Variants in PCM1 observed in about 807,000 individuals in gnomAD.
The protein encoded by PCM1 is pericentriolar material 1, also known as pericentriolar material 1 protein.
PCM1 carries 157 observed loss-of-function variants against 241.9 expected under a neutral mutation model. The observed-to-expected ratio is 0.65, with a 90% CI of 0.57 to 0.74. The LOEUF (loss-of-function observed/expected upper bound fraction) is 0.74. PCM1 is among the 30% of genes least tolerant of loss of function. The pLI is 0.00. For synonymous variants in PCM1, 1,085 were observed against 784.9 expected (o/e 1.38, Z -6.39); for missense variants, 3,478 against 2,360.1 (o/e 1.47, Z -9.81).
At chr8:17,931,697 C>G (rs1012114168) in intron 2 of PCM1, among the ~76,000 whole-genome samples, 2 of 152,076 alleles carry the variant, frequency 1.3e-5, no homozygotes, top group African/African-American at 4.8e-5. Flanking sequence ...CGTTTCAAAA[C>G]AATTGCTTTT....
At chr8:17,963,899 C>A (rs564212450) in intron 17 of PCM1, among the ~76,000 whole-genome samples, 1 of 152,130 alleles carries the variant, frequency 6.6e-6, no homozygotes, top group Non-Finnish European at 1.5e-5. Flanking sequence ...TTGCACCAAG[C>A]CCTACTCTCT....
Position 18,025,613 on chromosome 8 carries a change from C to G in PCM1, c.6004C>G (p.Gln2002Glu). Reference protein sequence around the residue: ...NHLSGEICEMQTEELAGNSET... With the variant: ...NHLSGEICEMETEELAGNSET... ...TTTATCTGGTGAAATATGTGAAATG[C>G]AGACCGAAGAATTAGCTGGAAATTC... Residue 2002 changes from glutamine (Q) to glutamate (E), a missense_variant, in exon 38 of 39, where the codon CAG becomes GAG. By Grantham distance (29) the Gln-to-Glu change is conservative. Coordinates refer to ENST00000325083, the MANE Select transcript of PCM1 (RefSeq NM_006197.4). The G allele has an allele frequency of 6.3e-7, 1 of 1,579,170 alleles. No homozygotes were observed. The highest frequency in any genetic ancestry group is 8.6e-7 in the Non-Finnish European group (1 of 1,161,460).
chr8:18,006,011 T>C, intron 29 of PCM1: 1 of 375,444 alleles, frequency 2.7e-6, no homozygotes, highest in Non-Finnish European at 4.8e-6. Context: ...TGCTGAAAAG[T>C]ACTGGATCAG....
In PCM1 at chr8:17,957,786, CT is replaced by C. The variant is rs1563918289; in HGVS notation, c.2040+13del. On this transcript the variant is annotated intron_variant, in intron 13 of 38. Transcript: ENST00000325083. Reference sequence around the variant, plus strand: ...GTTGCTATGGTACAGGTAAATATTGCTTGGTCTTTTAAAAACCTATTTGTCA... The same window carrying C: ...GTTGCTATGGTACAGGTAAATATTGCTGGTCTTTTAAAAACCTATTTGTCA... 1 of 1,564,986 alleles carries C rather than the reference CT, an allele frequency of 6.4e-7. No individual in the cohort carries two copies. Among genetic ancestry groups the C allele is most frequent in the Non-Finnish European group, 8.8e-7 (1 of 1,139,050 alleles).
At chr8:18,001,999 T>C (rs1305777736) in intron 29 of PCM1, among the ~76,000 whole-genome samples, 1 of 8,542 alleles carries the variant, frequency 1.2e-4, no homozygotes, top group Non-Finnish European at 2.4e-4. Flanking sequence ...ACCTTTCTTT[T>C]TTTTTTTTTT....
intron 13 of PCM1, among the ~76,000 whole-genome samples, chr8:17,959,358 C>G (rs1278905961): frequency 6.6e-6 from 1 of 151,624 alleles, no homozygotes; most frequent in Admixed American, 6.6e-5. Context: ...TTATTTGTAG[C>G]TGCAGTACAG....
intron 29 of PCM1, among the ~76,000 whole-genome samples, chr8:18,005,356 T>TC (rs2090956237): frequency 1.0e-5 from 1 of 95,988 alleles, no homozygotes; most frequent in Non-Finnish European, 2.7e-5. Flanking sequence ...TTGTTGTTGT[T>TC]GTTTTTTTTT....
intron 36 of PCM1, among the ~76,000 whole-genome samples, chr8:18,017,377 T>C (rs1440389539): frequency 6.6e-6 from 1 of 152,184 alleles, no homozygotes; most frequent in East Asian, 1.9e-4. Flanking sequence ...AAACACAAGA[T>C]TGGATGGCAA....
At chr8:17,979,788 A>G (rs452565) in intron 23 of PCM1, among the ~76,000 whole-genome samples, 72 of 8,428 alleles carry the variant, frequency 8.5e-3, no homozygotes, top group African/African-American at 0.018. Flanking sequence ...TTTTAAAATT[A>G]AAAACAAAAA....
chr8:18,016,808 G>C (rs2093261580), intron 36 of PCM1, among the ~76,000 whole-genome samples: 1 of 152,210 alleles, frequency 6.6e-6, no homozygotes, highest in African/African-American at 2.4e-5. Context: ...CGATGTGACA[G>C]AAAGGAAGTT....
At position 17,935,598 on chromosome 8, in the gene PCM1, T is replaced by C; in HGVS notation, c.-13T>C. 8.0e-7 allele frequency: 1 copy of C among 1,242,760 alleles called. No homozygotes were observed. The highest frequency in any genetic ancestry group is 1.2e-5 in the South Asian group (1 of 82,190). The allele number at this position is 1,242,760 out of a possible 1,614,324, so 77.0% of individuals were successfully genotyped here. On this transcript the variant is annotated 5_prime_UTR_variant, in exon 3 of 39. Transcript: ENST00000325083. ...TTAACTTGTTTCGCAGAGAGTTAAT[T>C]GTTAAATCCAGTATGGCCACAGGAG... is the stretch of plus-strand genomic sequence containing the variant.
At chr8:18,009,525 T>C in intron 30 of PCM1, 22 bp from the exon 31 acceptor site, 1 of 1,499,852 alleles carries the variant, frequency 6.7e-7, no homozygotes, top group Non-Finnish European at 9.1e-7. Context: ...CTTTAAAAAT[T>C]ATTTGGTTTA....
intron 26 of PCM1, 126 bp downstream of exon 26, chr8:17,986,213 G>T: frequency 1.6e-6 from 1 of 634,774 alleles, no homozygotes; most frequent in Non-Finnish European, 2.5e-6. Flanking sequence ...TTTAAAACTT[G>T]GGTATAATGT....
intron 7 of PCM1, 47 bp from the exon 8 acceptor site, chr8:17,950,568 G>C: frequency 2.2e-6 from 2 of 894,464 alleles, no homozygotes; most frequent in African/African-American, 1.7e-5. Context: ...GATTAAAAAA[G>C]GTGTTTGATT....
intron 2 of PCM1, among the ~76,000 whole-genome samples, chr8:17,933,818 A>C (rs1331378437): frequency 6.6e-6 from 1 of 152,140 alleles, no homozygotes; most frequent in Non-Finnish European, 1.5e-5. Context: ...TTTCTGAAAG[A>C]ATGCCAAGTA....
chr8:18,013,528 A>G (rs997927675), intron 34 of PCM1, among the ~76,000 whole-genome samples: 2 of 152,138 alleles, frequency 1.3e-5, no homozygotes, highest in African/African-American at 4.8e-5. Flanking sequence ...TTTCATCTCC[A>G]GCTCCTGCCC....
At chr8:17,976,998 T>C (rs769384464) in intron 23 of PCM1, among the ~76,000 whole-genome samples, 2 of 152,198 alleles carry the variant, frequency 1.3e-5, no homozygotes, top group African/African-American at 2.4e-5. Flanking sequence ...CACTGAGAAT[T>C]TCGTATATGC....
chr8:17,957,511 C>T, intron 12 of PCM1, 29 bp from the exon 13 acceptor site: 1 of 1,603,430 alleles, frequency 6.2e-7, no homozygotes, highest in African/African-American at 1.3e-5. Flanking sequence ...TTAAAAGTTA[C>T]TGGTTTTAAT....
At chr8:17,998,505 T>C (rs11780813) in intron 29 of PCM1, among the ~76,000 whole-genome samples, 108,496 of 152,134 alleles carry the variant, frequency 0.71, 39,394 homozygotes, top group Non-Finnish European at 0.78. Flanking sequence ...TTTACTTTCT[T>C]TCAAATAAAT....
Sources: gnomAD v4.1 joint callset for allele counts (sites outside exome capture counted in the v4.1 genomes callset) on GRCh38, gnomAD v4.1.1 for gene constraint, MANE v1.5 for transcripts, NCBI Gene and HGNC (gene_info 2026-07-23, HGNC 2026-07-21) for gene names.